Variants in RPS6KA6 observed in about 807,000 individuals in gnomAD.
The protein encoded by RPS6KA6 is ribosomal protein S6 kinase A6.
RPS6KA6 carries 27 observed loss-of-function variants against 65.4 expected under a neutral mutation model. The observed-to-expected ratio is 0.41, with a 90% CI of 0.30 to 0.57. RPS6KA6 has a LOEUF of 0.57. Ranked by LOEUF, RPS6KA6 falls within the 20% of genes least tolerant of loss-of-function variation. The probability of loss-of-function intolerance (pLI) is 0.24; values close to 1 mark genes in which losing one functional copy is unlikely to be tolerated. For missense variants in RPS6KA6, 486 were observed against 555.6 expected (o/e 0.87, Z 1.26); for synonymous variants, 190 against 184.2 (o/e 1.03, Z -0.26).
At chrX:84,156,052 T>C (rs2035411048) in intron 3 of RPS6KA6, 23 bp downstream of exon 3, 1 of 940,535 alleles carries the variant, frequency 1.1e-6, no homozygotes, top group Admixed American at 2.3e-5. Context: ...GAGGAACAAA[T>C]GGGGAAAAAA....
At chrX:84,154,407 A>G (rs1390660953) in intron 3 of RPS6KA6, among the ~76,000 whole-genome samples, 4 of 111,656 alleles carry the variant, frequency 3.6e-5, no homozygotes, top group Non-Finnish European at 7.5e-5. Flanking sequence ...CAAAAGACAA[A>G]GCAGGTAATT....
intron 20 of RPS6KA6, among the ~76,000 whole-genome samples, chrX:84,085,243 G>C (rs1159508960): frequency 9.0e-6 from 1 of 111,624 alleles, no homozygotes; most frequent in Non-Finnish European, 1.9e-5. Context: ...CTGAATAGGA[G>C]TGGTGAGAGA....
At chrX:84,072,721 C>T (rs909773165) in intron 20 of RPS6KA6, among the ~76,000 whole-genome samples, 1 of 111,611 alleles carries the variant, frequency 9.0e-6, no homozygotes, top group African/African-American at 3.2e-5. Flanking sequence ...AAGCAACATA[C>T]ACAAATCACT....
chrX:84,161,130 T>C (rs994806235), intron 2 of RPS6KA6, among the ~76,000 whole-genome samples: 2 of 111,493 alleles, frequency 1.8e-5, no homozygotes, highest in African/African-American at 6.5e-5. Flanking sequence ...CTGAACTTAT[T>C]TGTACAGATG....
intron 1 of RPS6KA6, among the ~76,000 whole-genome samples, chrX:84,177,493 T>C (rs886185733): frequency 8.9e-6 from 1 of 111,959 alleles, no homozygotes; most frequent in Non-Finnish European, 1.9e-5. Context: ...TCGGGCATTC[T>C]AGCTCTAGGG....
chrX:84,102,703 T>G (rs1254173212), intron 17 of RPS6KA6, among the ~76,000 whole-genome samples: 1 of 110,370 alleles, frequency 9.1e-6, no homozygotes, highest in African/African-American at 3.3e-5. Context: ...TGATGAGGAG[T>G]ACACACTTTG....
intron 12 of RPS6KA6, among the ~76,000 whole-genome samples, chrX:84,110,079 G>A (rs1390406008): frequency 3.6e-5 from 4 of 111,961 alleles, no homozygotes; most frequent in Non-Finnish European, 7.5e-5. Context: ...GTATTGGACT[G>A]ATTCAGGAGG....
Position 84,073,841 on chromosome X carries a change from A to G in RPS6KA6, c.1972-8730T>C, listed in dbSNP as rs188773005. Among the ~76,000 whole-genome samples, 497 of 111,040 alleles carry G rather than the reference A, an allele frequency of 4.5e-3. 5 individuals are homozygous for G. The highest frequency in any genetic ancestry group is 0.016 in the African/African-American group (489 of 30,611). On this transcript the variant is annotated intron_variant, in intron 20 of 21. Transcript: ENST00000262752. ...CAAAACCATAATGGGATATTATCTCACCCCAATTAGAATGGCTAGTACAAA... is the reference window on the plus strand; with the variant it reads ...CAAAACCATAATGGGATATTATCTCGCCCCAATTAGAATGGCTAGTACAAA...
upstream of RPS6KA6, among the ~76,000 whole-genome samples, chrX:84,188,345 G>C (rs192135769): frequency 3.6e-3 from 394 of 108,996 alleles, 3 homozygotes; most frequent in African/African-American, 0.012. Context: ...AGATTCCCCA[G>C]CTTGGGGTGA....
intron 20 of RPS6KA6, among the ~76,000 whole-genome samples, chrX:84,074,725 T>C (rs2033622954): frequency 9.0e-6 from 1 of 111,356 alleles, no homozygotes; most frequent in African/African-American, 3.3e-5. Context: ...AATTTAAAAG[T>C]ATCTAGCACC....
At chrX:84,162,163 G>A (rs2035524760) in intron 2 of RPS6KA6, among the ~76,000 whole-genome samples, 1 of 109,908 alleles carries the variant, frequency 9.1e-6, no homozygotes, top group Admixed American at 9.7e-5. Flanking sequence ...TAGTTTATCA[G>A]CAACCTGTTA....
rs1420558260 is a variant in RPS6KA6, at chrX:84,117,261, G to A, written c.861-113C>T. 6.2e-6 allele frequency: 4 copies of A among 645,548 alleles called. No homozygotes were observed. The African/African-American group carries it at 9.0e-5, about 15-fold the overall frequency. 53.2% of individuals were successfully genotyped at this position (645,548 alleles called of 1,213,427 possible). On this transcript the variant is annotated intron_variant, in intron 10 of 21. Coordinates refer to ENST00000262752, the MANE Select transcript of RPS6KA6 (RefSeq NM_014496.5). The stretch of plus-strand genomic sequence containing the variant: ...TTACAAGGGTACAGTCCTGTATATG[G>A]TAGAAGGGAACAAGACAGTGAGAAA...
Position 84,063,042 on chromosome X carries a change from G to T in RPS6KA6, c.*1235C>A, listed in dbSNP as rs2033327539. On this transcript the variant is annotated 3_prime_UTR_variant, in exon 22 of 22. Transcript: ENST00000262752. ...TTAGCATTTCATCATTTAGAGAAAA[G>T]AATACATACTACACAGTGGTTCTGA... 1 of 110,819 alleles carries T rather than the reference G, an allele frequency of 9.0e-6. No homozygotes were observed. The highest frequency in any genetic ancestry group is 1.9e-5 in the Non-Finnish European group (1 of 52,878). The allele number at this position is 110,819 out of a possible 1,213,427, so 9.1% of individuals were successfully genotyped here.
chrX:84,143,472 T>C lies in RPS6KA6; in HGVS notation c.501+2006A>G, dbSNP rs190410789. ...AATAACATTAAAAACAGGATTTACT[T>C]AGAGGTAAATCTGACAAAAGAATTG... is the stretch of plus-strand genomic sequence containing the variant. On this transcript the variant is annotated intron_variant, in intron 6 of 21. Coordinates refer to ENST00000262752, the MANE Select transcript of RPS6KA6 (RefSeq NM_014496.5). 2.4e-3 allele frequency among the ~76,000 whole-genome samples: 262 copies of C among 111,133 alleles called. 2 individuals carry two copies. Among genetic ancestry groups the C allele is most frequent in the Middle Eastern group, 9.3e-3 (2 of 216 alleles).
At chrX:84,144,640 T>C (rs1410294426) in intron 6 of RPS6KA6, among the ~76,000 whole-genome samples, 1 of 111,057 alleles carries the variant, frequency 9.0e-6, no homozygotes, top group Non-Finnish European at 1.9e-5. Context: ...AAGTTAAACA[T>C]ATACCTAGCA....
At chrX:84,180,698 T>A (rs755577107) in intron 1 of RPS6KA6, among the ~76,000 whole-genome samples, 219 of 112,239 alleles carry the variant, frequency 2.0e-3, no homozygotes, top group African/African-American at 6.7e-3. Context: ...TGGGATTTTG[T>A]TGACATTTAT....
chrX:84,126,136 T>C (rs1051388576), intron 8 of RPS6KA6, among the ~76,000 whole-genome samples: 1 of 110,621 alleles, frequency 9.0e-6, no homozygotes, highest in African/African-American at 3.3e-5. Context: ...ACATACAGAC[T>C]GAAAATAAAG....
rs773089891 is a variant in RPS6KA6 at position 84,102,396 on chromosome X, C to T, written c.1615-198G>A. On this transcript the variant is annotated intron_variant, in intron 17 of 21. Transcript: ENST00000262752. ...AATTATGTCTGTCAGATAGATGTTCCAGTTTCTATTGTCTCAAAAGCCACT... is the reference window on the plus strand; with the variant it reads ...AATTATGTCTGTCAGATAGATGTTCTAGTTTCTATTGTCTCAAAAGCCACT... Among the ~76,000 whole-genome samples the T allele has an allele frequency of 2.7e-5, 3 of 110,560 alleles. No homozygotes were observed. The South Asian group carries it at 1.1e-3, about 42-fold the overall frequency.
chrX:84,156,159 A>C lies in RPS6KA6; in HGVS notation c.174T>G (p.Thr58=). 2 of 1,174,605 alleles carry C rather than the reference A, an allele frequency of 1.7e-6. No homozygotes were observed. The highest frequency in any genetic ancestry group is 2.3e-6 in the Non-Finnish European group (2 of 863,023). The change falls in exon 3 of 22, where the codon ACT becomes ACG. Residue 58 remains threonine (T), a synonymous_variant. Coordinates refer to ENST00000262752, the MANE Select transcript of RPS6KA6 (RefSeq NM_014496.5). ...TCTCATAGCCTTCCTTAACATGATGAGTAATAGGGATTTCTTTAACAACTC... is the reference window on the plus strand; with the variant it reads ...TCTCATAGCCTTCCTTAACATGATGCGTAATAGGGATTTCTTTAACAACTC... ...DEGVVKEIPI[T]HHVKEGYEKA...
Sources: allele counts gnomAD v4.1 joint callset (sites outside exome capture counted in the v4.1 genomes callset), GRCh38; gene constraint gnomAD v4.1.1; transcripts MANE v1.5; gene names NCBI Gene and HGNC (gene_info 2026-07-23, HGNC 2026-07-21).